Variants in TRHR observed in about 807,000 individuals in gnomAD.
TRHR encodes thyrotropin releasing hormone receptor.
In TRHR, 14 loss-of-function variants were observed where a neutral mutation model predicts 28.0. The ratio of observed to expected loss-of-function variants is 0.50; its 90% confidence interval spans 0.33 to 0.78. The LOEUF (loss-of-function observed/expected upper bound fraction) is 0.78, where lower values mean the gene tolerates loss of function less well. Ranked by LOEUF, TRHR falls within the 30% of genes least tolerant of loss-of-function variation. TRHR has a pLI of 0.02. For synonymous variants in TRHR, 176 were observed against 171.9 expected, an observed-to-expected ratio of 1.02 and a Z score of -0.18; for missense variants, 438 against 469.5, an observed-to-expected ratio of 0.93 and a Z score of 0.62.
At chr8:109,101,069 A>G (rs1002289852) in intron 2 of TRHR, among the ~76,000 whole-genome samples, 6 of 152,168 alleles carry the variant, frequency 3.9e-5, no homozygotes, top group African/African-American at 7.2e-5. Flanking sequence ...ATATTGGGAG[A>G]TTACAAGGCA....
intron 2 of TRHR, among the ~76,000 whole-genome samples, chr8:109,118,731 T>C (rs1379970430): frequency 6.6e-6 from 1 of 151,892 alleles, no homozygotes; most frequent in Non-Finnish European, 1.5e-5. Context: ...CTTTAATGAA[T>C]GGACGCTGGC....
At chr8:109,091,931 CAA>C (rs1262981665) in intron 2 of TRHR, among the ~76,000 whole-genome samples, 1 of 152,118 alleles carries the variant, frequency 6.6e-6, no homozygotes, top group Non-Finnish European at 1.5e-5. Flanking sequence ...CACAATGCCT[CAA>C]GAGTCCCTCA....
chr8:109,109,910 C>T (rs4129682), intron 2 of TRHR, among the ~76,000 whole-genome samples: 86,957 of 152,104 alleles, frequency 0.57, 26,532 homozygotes, highest in African/African-American at 0.79. Context: ...TACCTTCACA[C>T]GTACATTTGG....
chr8:109,099,312 A>G (rs1811643165), intron 2 of TRHR, among the ~76,000 whole-genome samples: 1 of 152,212 alleles, frequency 6.6e-6, no homozygotes, highest in Admixed American at 6.5e-5. Flanking sequence ...ACTGAGGTCT[A>G]GAATATTTAC....
At chr8:109,099,478 C>T (rs529693386) in intron 2 of TRHR, among the ~76,000 whole-genome samples, 31 of 152,224 alleles carry the variant, frequency 2.0e-4, no homozygotes, top group Middle Eastern at 3.4e-3. Flanking sequence ...CAAGGGGAGA[C>T]GCAGTTAAAA....
rs953829487 is a variant in TRHR, at chr8:109,120,556, A to G, written c.*1101A>G. On this transcript the variant is annotated 3_prime_UTR_variant, in exon 3 of 3. Transcript: ENST00000518632. ...TCCTTCCTATCTGCTTGTTGTTTGT[A>G]GGTTCTTTTTTTGTTTTTCTCAAAT... Among the ~76,000 whole-genome samples the G allele has an allele frequency of 4.0e-5, 6 of 151,422 alleles. No homozygotes were observed. The highest frequency in any genetic ancestry group is 1.5e-4 in the African/African-American group (6 of 41,298).
chr8:109,088,372 T>C (rs1461299931), intron 2 of TRHR, 71 bp downstream of exon 2: 5 of 1,531,590 alleles, frequency 3.3e-6, no homozygotes, highest in Non-Finnish European at 4.5e-6. Flanking sequence ...GGGAAACAAC[T>C]TTTCCCTGTT....
intron 2 of TRHR, among the ~76,000 whole-genome samples, chr8:109,089,318 C>T (rs896248625): frequency 6.6e-6 from 1 of 151,420 alleles, no homozygotes; most frequent in African/African-American, 2.4e-5. Context: ...TGAATTTTCT[C>T]ATATTTCTTG....
chr8:109,110,473 G>T (rs564984764), intron 2 of TRHR, among the ~76,000 whole-genome samples: 2 of 151,562 alleles, frequency 1.3e-5, no homozygotes, highest in South Asian at 4.2e-4. Flanking sequence ...TACAACCAAA[G>T]TTTCTCTATT....
chr8:109,091,024 G>T (rs965336760), intron 2 of TRHR, among the ~76,000 whole-genome samples: 2 of 148,760 alleles, frequency 1.3e-5, no homozygotes, highest in African/African-American at 5.2e-5. Context: ...AGGCAACAAA[G>T]AATGTGAGTG....
chr8:109,111,687 T>C (rs1228975900), intron 2 of TRHR, among the ~76,000 whole-genome samples: 1 of 152,188 alleles, frequency 6.6e-6, no homozygotes, highest in Admixed American at 6.6e-5. Context: ...ATTTACTCAA[T>C]AATAATTTAA....
chr8:109,087,787 T>A lies in TRHR; in HGVS notation c.275T>A (p.Val92Asp). 1 of 1,614,170 alleles carries A rather than the reference T, an allele frequency of 6.2e-7. No individual in the cohort carries two copies. The highest frequency in any genetic ancestry group is 2.2e-5 in the East Asian group (1 of 44,872). ...NITDSIYGSW[V>D]YGYVGCLCIT... Reference sequence around the variant, plus strand: ...ACAGACAGTATCTACGGTTCCTGGGTCTATGGCTATGTTGGATGCCTCTGC... The same window carrying A: ...ACAGACAGTATCTACGGTTCCTGGGACTATGGCTATGTTGGATGCCTCTGC... The change falls in exon 2 of 3, where the codon GTC (valine) becomes GAC (aspartate). Residue 92 changes from valine (V) to aspartate (D), a missense_variant. By Grantham distance (152) the Val-to-Asp change is radical. Transcript: ENST00000518632.
In TRHR at chr8:109,121,459, T is replaced by C. The variant is rs1051610538; in HGVS notation, c.*2004T>C. On this transcript the variant is annotated 3_prime_UTR_variant, in exon 3 of 3. Coordinates refer to ENST00000518632, the MANE Select transcript of TRHR (RefSeq NM_003301.7). Reference sequence around the variant, plus strand: ...GCTGGTAGGTAGTCAATCAACATTATCTTCATCACAATTTCACTACAGCTG... The same window carrying C: ...GCTGGTAGGTAGTCAATCAACATTACCTTCATCACAATTTCACTACAGCTG... Among the ~76,000 whole-genome samples the C allele has an allele frequency of 6.2e-4, 94 of 151,748 alleles. 4 individuals are homozygous for C. Among genetic ancestry groups the C allele is most frequent in the Non-Finnish European group, 2.9e-5 (2 of 67,814 alleles).
chr8:109,097,471 G>T (rs753048871), intron 2 of TRHR, among the ~76,000 whole-genome samples: 1 of 151,974 alleles, frequency 6.6e-6, no homozygotes, highest in Non-Finnish European at 1.5e-5. Context: ...TTTATACCAG[G>T]TATTGTCTAA....
At chr8:109,094,969 G>C (rs1450837357) in intron 2 of TRHR, among the ~76,000 whole-genome samples, 1 of 151,358 alleles carries the variant, frequency 6.6e-6, no homozygotes, top group East Asian at 1.9e-4. Context: ...GACAGATGAA[G>C]TCTGATTGGT....
intron 2 of TRHR, among the ~76,000 whole-genome samples, chr8:109,092,683 C>T (rs1811533586): frequency 6.6e-6 from 1 of 152,138 alleles, no homozygotes; most frequent in South Asian, 2.1e-4. Context: ...AGGTGATACG[C>T]TAGTCTCGGC....
At chr8:109,096,372 T>C (rs1186923159) in intron 2 of TRHR, among the ~76,000 whole-genome samples, 1 of 152,220 alleles carries the variant, frequency 6.6e-6, no homozygotes, top group Non-Finnish European at 1.5e-5. Flanking sequence ...ATGTTAGGTG[T>C]TCTTCCTATA....
At chr8:109,110,954 C>G (rs12680028) in intron 2 of TRHR, among the ~76,000 whole-genome samples, 88,870 of 151,930 alleles carry the variant, frequency 0.58, 28,104 homozygotes, top group African/African-American at 0.83. Flanking sequence ...TCAGGAGTTC[C>G]AGACCAGCCT....
At position 109,119,535 on chromosome 8, in the gene TRHR, A is replaced by G; in HGVS notation, c.*80A>G. The G allele has an allele frequency of 6.6e-7, 1 of 1,523,966 alleles. No individual in the cohort carries two copies. Among genetic ancestry groups the G allele is most frequent in the East Asian group, 2.3e-5 (1 of 43,944 alleles). 94.4% of individuals were successfully genotyped at this position (1,523,966 alleles called of 1,614,324 possible). A position where few individuals can be genotyped will look rare whatever the true frequency, so the allele number is the denominator to read the frequency against. On this transcript the variant is annotated 3_prime_UTR_variant, in exon 3 of 3. Transcript: ENST00000518632. The stretch of plus-strand genomic sequence containing the variant: ...CAACAAAAGGGAGAACATGGCCAAT[A>G]GTCATATGTGAAGACAGAGCAGATC...
Sources: gnomAD v4.1 joint callset for allele counts (sites outside exome capture counted in the v4.1 genomes callset) on GRCh38, gnomAD v4.1.1 for gene constraint, MANE v1.5 for transcripts, NCBI Gene and HGNC (gene_info 2026-07-23, HGNC 2026-07-21) for gene names.